DPF3: variants seen among roughly 807,000 people sequenced by gnomAD.
DPF3 encodes the protein double PHD fingers 3, also known as zinc finger protein DPF3.
In DPF3, 18 loss-of-function variants were observed where a neutral mutation model predicts 56.8. The observed-to-expected ratio is 0.32, with a 90% CI of 0.22 to 0.47. The LOEUF (loss-of-function observed/expected upper bound fraction) is 0.47, where lower values mean the gene tolerates loss of function less well. DPF3 is among the 20% of genes least tolerant of loss of function. The pLI, the probability that DPF3 is intolerant of heterozygous loss-of-function variation, is 1.00. For missense variants in DPF3, 403 were observed against 488.8 expected (o/e 0.82, Z 1.65); for synonymous variants, 188 against 180.2 (o/e 1.04, Z -0.35).
chr14:72,858,536 A>G (rs1053600843), intron 1 of DPF3, among the ~76,000 whole-genome samples: 2 of 152,120 alleles, frequency 1.3e-5, no homozygotes, highest in African/African-American at 4.8e-5. Context: ...GACCCCTTCA[A>G]TTCAAACCAC....
intron 7 of DPF3, among the ~76,000 whole-genome samples, chr14:72,687,997 C>T (rs1216103128): frequency 6.6e-6 from 1 of 151,782 alleles, no homozygotes; most frequent in African/African-American, 2.4e-5. Context: ...CGGTTCTGTA[C>T]ACACCCCATT....
At chr14:72,797,173 T>C (rs1892678412) in intron 1 of DPF3, among the ~76,000 whole-genome samples, 1 of 152,160 alleles carries the variant, frequency 6.6e-6, no homozygotes, top group Non-Finnish European at 1.5e-5. Context: ...GCTTAGCATA[T>C]GAATACGCTT....
chr14:72,693,031 C>T (rs755442161), intron 7 of DPF3, 45 bp downstream of exon 7: 1 of 1,611,770 alleles, frequency 6.2e-7, no homozygotes, highest in South Asian at 1.1e-5. Context: ...CCCAGCCTGT[C>T]TAACCCACTT....
intron 2 of DPF3, among the ~76,000 whole-genome samples, chr14:72,769,448 G>A (rs182326492): frequency 2.7e-3 from 417 of 152,242 alleles, no homozygotes; most frequent in Middle Eastern, 6.8e-3. Flanking sequence ...TTGGGAGGCC[G>A]AGGCAGGCGG....
intron 1 of DPF3, among the ~76,000 whole-genome samples, chr14:72,868,473 T>G (rs1321648834): frequency 2.0e-5 from 3 of 152,316 alleles, no homozygotes; most frequent in East Asian, 1.9e-4. Flanking sequence ...TTCCAGGACA[T>G]GAAAATCCGA....
rs188547488 is a variant in DPF3, at chr14:72,727,340, G to A, written c.430-3612C>T. Among the ~76,000 whole-genome samples the A allele has an allele frequency of 1.6e-3, 245 of 152,316 alleles. 1 individual carries two copies. Among genetic ancestry groups the A allele is most frequent in the Middle Eastern group, 6.8e-3 (2 of 294 alleles). ...CGCCTGTAATCCCAGCACTTTGGGA[G>A]GCCGAGGCAGGCGGATCACGAGGTT... is the stretch of plus-strand genomic sequence containing the variant. On this transcript the variant is annotated intron_variant, in intron 4 of 10. Coordinates refer to ENST00000556509, the MANE Select transcript of DPF3 (RefSeq NM_001280542.3).
At chr14:72,733,871 C>T (rs940788214) in intron 3 of DPF3, among the ~76,000 whole-genome samples, 11 of 152,192 alleles carry the variant, frequency 7.2e-5, no homozygotes, top group African/African-American at 2.7e-4. Context: ...TAAAACTGAA[C>T]AAATGCACAC....
At chr14:72,884,971 T>TATATATATACATATATATATATATA (rs10523148) in intron 1 of DPF3, among the ~76,000 whole-genome samples, 1 of 111,686 alleles carries the variant, frequency 9.0e-6, no homozygotes, top group African/African-American at 3.1e-5. Flanking sequence ...TATATATATA[T>TATATATATACATATATATATATATA]TAGCCGGGCG....
intron 5 of DPF3, among the ~76,000 whole-genome samples, chr14:72,718,572 C>T (rs971951069): frequency 6.6e-6 from 1 of 152,110 alleles, no homozygotes; most frequent in Non-Finnish European, 1.5e-5. Flanking sequence ...TTTTATTTTT[C>T]TTGTAAATCT....
chr14:72,661,225 G>A (rs141146229), intron 8 of DPF3: 73 of 985,090 alleles, frequency 7.4e-5, no homozygotes, highest in Middle Eastern at 5.2e-4. Flanking sequence ...ACCAGAAAAC[G>A]TCAGAGAAAA....
At chr14:72,652,305 C>T (rs1408687983) in intron 8 of DPF3, among the ~76,000 whole-genome samples, 1 of 152,162 alleles carries the variant, frequency 6.6e-6, no homozygotes, top group Non-Finnish European at 1.5e-5. Flanking sequence ...CGGGTGGTCC[C>T]CATGACTCAT....
chr14:72,620,107 C>G (rs1239735834), intron 9 of DPF3, 123 bp from the exon 10 acceptor site: 2 of 962,900 alleles, frequency 2.1e-6, no homozygotes, highest in Non-Finnish European at 2.9e-6. Flanking sequence ...TTTCCAGGCC[C>G]CACTTGGAGT....
At chr14:72,740,482 T>A (rs188556425) in intron 3 of DPF3, among the ~76,000 whole-genome samples, 13 of 152,260 alleles carry the variant, frequency 8.5e-5, no homozygotes, top group Admixed American at 5.2e-4. Context: ...AATATTGTGG[T>A]TCTCAGATGT....
intron 1 of DPF3, among the ~76,000 whole-genome samples, chr14:72,872,490 T>G (rs969259609): frequency 6.6e-6 from 1 of 152,218 alleles, no homozygotes; most frequent in Non-Finnish European, 1.5e-5. Context: ...AGCACCCAAG[T>G]CACATCTTGA....
chr14:72,771,646 T>C, intron 2 of DPF3, 87 bp downstream of exon 2: 1 of 1,510,622 alleles, frequency 6.6e-7, no homozygotes, highest in Non-Finnish European at 8.9e-7. Context: ...CTACCCAGGC[T>C]GCCTGGTTTC....
rs749132796 is a variant in DPF3 at position 72,771,743 on chromosome 14, G to A, written c.183C>T (p.His61=). 6.2e-7 allele frequency: 1 copy of A among 1,612,604 alleles called. No homozygotes were observed. The highest frequency in any genetic ancestry group is 1.7e-5 in the Admixed American group (1 of 59,962). ...AGTGGCGCAGCTCACCTGGGCCTCG[G>A]TGCCTCTTCTCCATCCAGATGTAGC... The part of the protein sequence containing the change: ...NNCYIWMEKR[H]RGPGLAPGQL... The change falls in exon 2 of 11, where the codon CAC becomes CAT. Residue 61 remains histidine (H), a synonymous_variant. Transcript: ENST00000556509.
intron 2 of DPF3, among the ~76,000 whole-genome samples, chr14:72,769,185 C>A (rs1040510793): frequency 1.3e-5 from 2 of 151,932 alleles, no homozygotes; most frequent in African/African-American, 4.8e-5. Context: ...CTGATAAGGC[C>A]TAGAAACAAT....
intron 8 of DPF3, among the ~76,000 whole-genome samples, chr14:72,672,856 G>A (rs1325209252): frequency 6.6e-6 from 1 of 152,142 alleles, no homozygotes; most frequent in Admixed American, 6.5e-5. Flanking sequence ...GCTTCTGGAA[G>A]TAGAGATTTC....
intron 1 of DPF3, among the ~76,000 whole-genome samples, chr14:72,871,955 G>A (rs966340290): frequency 1.3e-5 from 2 of 152,162 alleles, no homozygotes; most frequent in African/African-American, 2.4e-5. Context: ...TGAGGGCCCC[G>A]CCCCTGCAGC....
Sources: allele counts gnomAD v4.1 joint callset (sites outside exome capture counted in the v4.1 genomes callset), GRCh38; gene constraint gnomAD v4.1.1; transcripts MANE v1.5; gene names NCBI Gene and HGNC (gene_info 2026-07-23, HGNC 2026-07-21).